The following LRP8 variants were observed in gnomAD, a reference collection of about 807,000 sequenced individuals.
The protein encoded by LRP8 is LDL receptor related protein 8.
A neutral mutation model predicts 111.6 loss-of-function variants in LRP8; 46 were observed. The observed-to-expected ratio is 0.41, with a 90% CI of 0.33 to 0.53. The LOEUF is 0.53. Among genes scored for constraint, LRP8 ranks in the 20% least tolerant of loss-of-function variants. The pLI is 0.20. For synonymous variants in LRP8, 464 were observed against 511.2 expected (o/e 0.91, Z 1.24); for missense variants, 959 against 1,297.4 (o/e 0.74, Z 4.01).
intron 2 of LRP8, among the ~76,000 whole-genome samples, chr1:53,324,407 C>T (rs974515558): frequency 6.6e-6 from 1 of 152,132 alleles, no homozygotes; most frequent in African/African-American, 2.4e-5. Flanking sequence ...TTCTAAAGGC[C>T]GTGGAGGTGG....
intron 2 of LRP8, among the ~76,000 whole-genome samples, chr1:53,295,252 G>C (rs977701300): frequency 2.0e-5 from 3 of 152,210 alleles, no homozygotes; most frequent in African/African-American, 7.2e-5. Context: ...GAAGAGAGCA[G>C]GGAAGAGCAT....
rs1460867012 is a variant in LRP8 at position 53,279,866 on chromosome 1, CA to C, written c.496+720del. ...CACTGTCCCTTTCAGAGCCTGGCTT[CA>C]GGCCTGGCACACAGTAGGTGCCCCT... is the stretch of plus-strand genomic sequence containing the variant. On this transcript the variant is annotated intron_variant, in intron 4 of 18. Transcript: ENST00000306052. The surrounding 1 kb of genome is among the most constrained non-coding windows in gnomAD (Gnocchi z 4.4). Among the ~76,000 whole-genome samples, 1 of 152,242 alleles carries C rather than the reference CA, an allele frequency of 6.6e-6. No homozygotes were observed. The highest frequency in any genetic ancestry group is 1.5e-5 in the Non-Finnish European group (1 of 68,044).
chr1:53,267,671 T>C (rs1646624632), intron 8 of LRP8: 1 of 152,194 alleles, frequency 6.6e-6, no homozygotes, highest in African/African-American at 2.4e-5. Flanking sequence ...CATAAACTGC[T>C]CATGTATACA....
intron 4 of LRP8, among the ~76,000 whole-genome samples, chr1:53,278,909 C>T (rs1022067049): frequency 2.7e-5 from 4 of 146,882 alleles, no homozygotes; most frequent in African/African-American, 1.0e-4. Flanking sequence ...CCACCACGCC[C>T]GGCTAATTTT....
chr1:53,304,790 G>A (rs943375195), intron 2 of LRP8, among the ~76,000 whole-genome samples: 14 of 152,350 alleles, frequency 9.2e-5, no homozygotes, highest in African/African-American at 3.4e-4. Context: ...AACCAGAGCT[G>A]GGCAGAAGGG....
In LRP8 at chr1:53,246,737, T is replaced by TA. The variant is rs1048346264; in HGVS notation, c.*280dup. 8 of 419,114 alleles carry TA rather than the reference T, an allele frequency of 1.9e-5. No homozygotes were observed. The highest frequency in any genetic ancestry group is 1.7e-4 in the African/African-American group (8 of 47,384). The allele number at this position is 419,114 out of a possible 1,614,324, so 26.0% of individuals were successfully genotyped here. ...CCCCATTTGGTTATGTGCATCATGTTAGTCAGCAGTAGCCATTCCACGAAT... is the reference window on the plus strand; with the variant it reads ...CCCCATTTGGTTATGTGCATCATGTTAAGTCAGCAGTAGCCATTCCACGAAT... On this transcript the variant is annotated 3_prime_UTR_variant, in exon 19 of 19. Coordinates refer to ENST00000306052, the MANE Select transcript of LRP8 (RefSeq NM_004631.5).
chr1:53,327,012 T>A lies in LRP8; in HGVS notation c.125-20A>T, dbSNP rs541900764. On this transcript the variant is annotated intron_variant, in intron 1 of 18. Coordinates refer to ENST00000306052, the MANE Select transcript of LRP8 (RefSeq NM_004631.5). ...CCGGCCCTGCGAGGGGGAGGGAGCG[T>A]GAGCTGGATCAGCGGACTCGGCCCC... is the stretch of plus-strand genomic sequence containing the variant. The A allele has an allele frequency of 7.6e-5, 122 of 1,610,496 alleles. 1 individual carries two copies. In the South Asian group the frequency reaches 1.1e-3, roughly 15 times the overall value.
chr1:53,298,085 G>A (rs1650086561), intron 2 of LRP8, among the ~76,000 whole-genome samples: 1 of 152,106 alleles, frequency 6.6e-6, no homozygotes, highest in South Asian at 2.1e-4. Context: ...TCTTGGTGCT[G>A]TTCCAAGTCC....
chr1:53,315,543 AGTG>A (rs2100534539), intron 2 of LRP8, among the ~76,000 whole-genome samples: 1 of 152,344 alleles, frequency 6.6e-6, no homozygotes, highest in Non-Finnish European at 1.5e-5. Flanking sequence ...ACATCTGGGA[AGTG>A]GTGAGGTGTG....
At chr1:53,324,558 C>T (rs1254292445) in intron 2 of LRP8, among the ~76,000 whole-genome samples, 2 of 152,228 alleles carry the variant, frequency 1.3e-5, no homozygotes, top group Non-Finnish European at 2.9e-5. Context: ...CTACTTGGTA[C>T]TATCAGCAGC....
chr1:53,282,919 G>A, intron 3 of LRP8, among the ~76,000 whole-genome samples: 1 of 152,278 alleles, frequency 6.6e-6, no homozygotes, highest in Middle Eastern at 3.4e-3. Flanking sequence ...TTATCCCTAA[G>A]CCAGGCCTCA....
intron 2 of LRP8, among the ~76,000 whole-genome samples, chr1:53,307,871 A>G (rs1244119296): frequency 6.6e-6 from 1 of 152,232 alleles, no homozygotes; most frequent in Non-Finnish European, 1.5e-5. Flanking sequence ...ACCTAGGACG[A>G]GGGTGTCCCA....
intron 15 of LRP8, 81 bp from the exon 16 acceptor site, chr1:53,255,266 C>T (rs1646041481): frequency 8.8e-7 from 1 of 1,141,584 alleles, no homozygotes. Flanking sequence ...GTAAGAACTA[C>T]CCAACTGCTG....
chr1:53,272,623 T>A, intron 6 of LRP8: 1 of 1,289,610 alleles, frequency 7.8e-7, no homozygotes, highest in South Asian at 1.2e-5. Context: ...TCCTCCTGTT[T>A]CCCAGGAATG....
chr1:53,306,729 C>T (rs1652037982), intron 2 of LRP8, among the ~76,000 whole-genome samples: 2 of 152,208 alleles, frequency 1.3e-5, no homozygotes, highest in Admixed American at 6.5e-5. Context: ...GGGCACCTGC[C>T]TCTGTCCTGG....
intron 2 of LRP8, 60 bp from the exon 3 acceptor site, chr1:53,289,749 A>G (rs1166331638): frequency 3.8e-6 from 6 of 1,598,542 alleles, no homozygotes; most frequent in Non-Finnish European, 1.7e-6. Context: ...TGGTGGGCCG[A>G]CCAGGATGTG....
chr1:53,306,242 G>C (rs571933913), intron 2 of LRP8: 2 of 152,208 alleles, frequency 1.3e-5, no homozygotes, highest in Non-Finnish European at 2.9e-5. Flanking sequence ...TACAGCCCAG[G>C]ACACAAACCC....
Position 53,303,085 on chromosome 1 carries a change from G to GA in LRP8, c.245-13397dup, listed in dbSNP as rs1256712223. Among the ~76,000 whole-genome samples, 1 of 152,136 alleles carries GA rather than the reference G, an allele frequency of 6.6e-6. No homozygotes were observed. Among genetic ancestry groups the GA allele is most frequent in the East Asian group, 1.9e-4 (1 of 5,182 alleles). On this transcript the variant is annotated intron_variant, in intron 2 of 18. Transcript: ENST00000306052. The surrounding 1 kb of genome is among the most constrained non-coding windows in gnomAD (Gnocchi z 4.3). ...AGGTTGTAATGTTGAAATTCATGGT[G>GA]AAATTGCACATCACCACAAAAGCAG...
rs2788037 is a variant in LRP8 at position 53,299,284 on chromosome 1, C to T, written c.245-9595G>A. ...GGCCTCTGATGTCAGCAGTGGGTCG[C>T]TGCAGCACCCTCTCCTCTGCCCACC... On this transcript the variant is annotated intron_variant, in intron 2 of 18. Transcript: ENST00000306052. 3.6e-3 allele frequency among the ~76,000 whole-genome samples: 541 copies of T among 152,302 alleles called. 1 individual carries two copies. The highest frequency in any genetic ancestry group is 0.012 in the African/African-American group (518 of 41,564).
Sources: allele counts gnomAD v4.1 joint callset (sites outside exome capture counted in the v4.1 genomes callset), GRCh38; gene constraint gnomAD v4.1.1; non-coding constraint Gnocchi (gnomAD v3.1); transcripts MANE v1.5; gene names NCBI Gene and HGNC (gene_info 2026-07-23, HGNC 2026-07-21).